The following COBL variants were observed in gnomAD, a reference collection of about 807,000 sequenced individuals.
The protein encoded by COBL is protein cordon-bleu.
A neutral mutation model predicts 98.8 loss-of-function variants in COBL; 51 were observed. The observed-to-expected ratio is 0.52, with a 90% CI of 0.41 to 0.65. The LOEUF is 0.65. Ranked by LOEUF, COBL falls within the 30% of genes least tolerant of loss-of-function variation. COBL has a pLI of 0.00. For missense variants in COBL, 1,617 were observed against 1,617.5 expected (o/e 1.00, Z 0.01); for synonymous variants, 634 against 651.7 (o/e 0.97, Z 0.41).
Position 51,085,232 on chromosome 7 carries a change from G to A in COBL, c.1030C>T (p.Pro344Ser), listed in dbSNP as rs1445545384. The A allele has an allele frequency of 6.2e-7, 1 of 1,613,696 alleles. No individual in the cohort carries two copies. The highest frequency in any genetic ancestry group is 8.5e-7 in the Non-Finnish European group (1 of 1,179,980). Residue 344 changes from proline (P) to serine (S), a missense_variant, in exon 7 of 13, where the codon CCA becomes TCA. By Grantham distance (74) the Pro-to-Ser change is moderately conservative. This residue lies in a region of COBL where 1,304 missense variants were observed against 1,282.0 expected (regional missense o/e 1.02). Coordinates refer to ENST00000265136, the MANE Select transcript of COBL (RefSeq NM_015198.5). ...RAPAPPPPQP[P>S]PPSPLIPNRT... ...TTGGGGATCAGGGGACTCGGTGGTG[G>A]TGGCTGTGGTGGAGGGGGAGCTGGC...
intron 4 of COBL, 152 bp from the exon 5 acceptor site, chr7:51,184,351 C>T: frequency 1.9e-6 from 1 of 528,148 alleles, no homozygotes; most frequent in Admixed American, 3.7e-5. Flanking sequence ...TCAAAGCTGT[C>T]CGAGCCACTT....
chr7:51,154,005 G>A (rs947154534), intron 5 of COBL, among the ~76,000 whole-genome samples: 1 of 152,202 alleles, frequency 6.6e-6, no homozygotes, highest in African/African-American at 2.4e-5. Context: ...TGGAGAAGCA[G>A]ATGGCCGTGT....
At chr7:51,222,976 C>T (rs190951666) in intron 1 of COBL, among the ~76,000 whole-genome samples, 2 of 152,340 alleles carry the variant, frequency 1.3e-5, no homozygotes, top group Non-Finnish European at 2.9e-5. Flanking sequence ...TCCCCACGTC[C>T]AGTGTCAACA....
intron 5 of COBL, among the ~76,000 whole-genome samples, chr7:51,149,827 G>A (rs1056157644): frequency 2.0e-5 from 3 of 152,132 alleles, no homozygotes; most frequent in African/African-American, 7.2e-5. Flanking sequence ...TAGCACCTTT[G>A]TTGGCCAGGC....
In COBL at chr7:51,043,836, C is replaced by T. The variant is rs1455908088; in HGVS notation, c.1097-144G>A. 1.9e-5 allele frequency: 12 copies of T among 647,220 alleles called. No individual in the cohort carries two copies. The Admixed American group carries it at 2.3e-4, about 13-fold the overall frequency. 40.1% of individuals were successfully genotyped at this position (647,220 alleles called of 1,614,324 possible). A position where few individuals can be genotyped will look rare whatever the true frequency, so the allele number is the denominator to read the frequency against. ...GTAAAGGAAGAACCTCATTCAAATA[C>T]TGCTGAATACTCCTGAAACATTTTA... On this transcript the variant is annotated intron_variant, in intron 7 of 12. Coordinates refer to ENST00000265136, the MANE Select transcript of COBL (RefSeq NM_015198.5).
intron 1 of COBL, among the ~76,000 whole-genome samples, chr7:51,279,403 T>C (rs1159148952): frequency 6.6e-6 from 1 of 152,248 alleles, no homozygotes; most frequent in Non-Finnish European, 1.5e-5. Flanking sequence ...CTGAAATTTT[T>C]AACTATATTC....
chr7:51,097,684 AT>A (rs1392427460), intron 6 of COBL, among the ~76,000 whole-genome samples: 1 of 152,190 alleles, frequency 6.6e-6, no homozygotes, highest in Non-Finnish European at 1.5e-5. Flanking sequence ...AATTAAGAAA[AT>A]AATTTAATTT....
At chr7:51,021,522 C>G (rs1786934529) in intron 12 of COBL, among the ~76,000 whole-genome samples, 1 of 152,044 alleles carries the variant, frequency 6.6e-6, no homozygotes, top group Admixed American at 6.6e-5. Flanking sequence ...AGATGGGGGT[C>G]TTGTTATGTT....
chr7:51,171,282 A>G (rs1787852002), intron 5 of COBL, among the ~76,000 whole-genome samples: 2 of 152,196 alleles, frequency 1.3e-5, no homozygotes, highest in South Asian at 4.1e-4. Context: ...AATTTGAAAG[A>G]TAATCTAATC....
intron 2 of COBL, among the ~76,000 whole-genome samples, chr7:51,212,256 G>GA (rs1157843357): frequency 1.3e-5 from 2 of 152,000 alleles, no homozygotes; most frequent in East Asian, 1.9e-4. Context: ...ACTTCAATTA[G>GA]AAAAAAACTG....
intron 1 of COBL, among the ~76,000 whole-genome samples, chr7:51,302,069 A>G (rs978555378): frequency 2.2e-4 from 33 of 152,198 alleles, no homozygotes; most frequent in African/African-American, 7.7e-4. Context: ...GCCGAGCTGC[A>G]TGTCTCCACA....
chr7:51,133,600 A>T (rs1490445178), intron 6 of COBL, among the ~76,000 whole-genome samples: 1 of 152,200 alleles, frequency 6.6e-6, no homozygotes, highest in African/African-American at 2.4e-5. Context: ...TGCCCGCTCA[A>T]GTCTCAGAAA....
At chr7:51,203,693 G>A (rs1217336848) in intron 2 of COBL, among the ~76,000 whole-genome samples, 1 of 151,878 alleles carries the variant, frequency 6.6e-6, no homozygotes, top group East Asian at 1.9e-4. Context: ...CAGAAATCCT[G>A]AAGAGACCAA....
chr7:51,157,473 T>C (rs1321152224), intron 5 of COBL, among the ~76,000 whole-genome samples: 2 of 152,202 alleles, frequency 1.3e-5, no homozygotes. Flanking sequence ...GGGGTTGGCC[T>C]GGCTCCTCTG....
chr7:51,190,892 C>T lies in COBL; in HGVS notation c.643G>A (p.Glu215Lys), dbSNP rs752496923. 1.2e-6 allele frequency: 2 copies of T among 1,614,076 alleles called. No homozygotes were observed. Among genetic ancestry groups the T allele is most frequent in the East Asian group, 2.2e-5 (1 of 44,876 alleles). ...EELELSKSLN[E>K]LGIKELYAWD... ...GCGTAGAGCTCCTTTATCCCGAGCT[C>T]GTTCAGGGACTTGGACAGCTCCAGC... is the stretch of plus-strand genomic sequence containing the variant. Residue 215 changes from glutamate (E) to lysine (K), a missense_variant, in exon 4 of 13, where the codon GAG (glutamate) becomes AAG (lysine). Around this residue, in one of 3 missense-constraint regions of COBL, gnomAD observed 75 missense variants for 120.5 expected, o/e 0.62. Coordinates refer to ENST00000265136, the MANE Select transcript of COBL (RefSeq NM_015198.5).
At chr7:51,316,024 T>C (rs1803536004) in intron 1 of COBL, among the ~76,000 whole-genome samples, 1 of 152,136 alleles carries the variant, frequency 6.6e-6, no homozygotes, top group Non-Finnish European at 1.5e-5. Context: ...GCTGCTGCCA[T>C]GAAACCCTCC....
chr7:51,050,948 T>C (rs1583615494), intron 7 of COBL, among the ~76,000 whole-genome samples: 1 of 152,240 alleles, frequency 6.6e-6, no homozygotes, highest in Non-Finnish European at 1.5e-5. Flanking sequence ...ATTTCTATTA[T>C]AGGAACCATT....
At chr7:51,274,082 C>T (rs1456936366) in intron 1 of COBL, among the ~76,000 whole-genome samples, 2 of 152,180 alleles carry the variant, frequency 1.3e-5, no homozygotes, top group Non-Finnish European at 2.9e-5. Flanking sequence ...CAGTTCCCCC[C>T]AGTCCATGCC....
At chr7:51,300,959 G>A (rs986988497) in intron 1 of COBL, among the ~76,000 whole-genome samples, 1 of 152,138 alleles carries the variant, frequency 6.6e-6, no homozygotes, top group Non-Finnish European at 1.5e-5. Context: ...GTGTGACCGC[G>A]GGGTCCAGAT....
Sources: gnomAD v4.1 joint callset for allele counts (sites outside exome capture counted in the v4.1 genomes callset) on GRCh38, gnomAD v4.1.1 for gene constraint, gnomAD v4.1.1 regional missense constraint, MANE v1.5 for transcripts, NCBI Gene and HGNC (gene_info 2026-07-23, HGNC 2026-07-21) for gene names.